Variants in CNTNAP2 observed in about 807,000 individuals in gnomAD.
CNTNAP2 encodes contactin-associated protein-like 2.
CNTNAP2 carries 98 observed loss-of-function variants against 155.2 expected under a neutral mutation model. The observed-to-expected ratio is 0.63, with a 90% CI of 0.54 to 0.75. CNTNAP2 has a LOEUF of 0.75. CNTNAP2 is among the 30% of genes least tolerant of loss of function. CNTNAP2 has a pLI of 0.00. For synonymous variants in CNTNAP2, 651 were observed against 631.2 expected, an observed-to-expected ratio of 1.03 and a Z score of -0.47; for missense variants, 1,727 against 1,688.1, an observed-to-expected ratio of 1.02 and a Z score of -0.40.
At chr7:146,839,376 C>T (rs1479763064) in intron 2 of CNTNAP2, among the ~76,000 whole-genome samples, 1 of 152,018 alleles carries the variant, frequency 6.6e-6, no homozygotes, top group Non-Finnish European at 1.5e-5. Flanking sequence ...ACATTTTTCT[C>T]ATGATTTTAG....
chr7:146,914,497 G>A (rs1796354779), intron 3 of CNTNAP2, among the ~76,000 whole-genome samples: 1 of 151,934 alleles, frequency 6.6e-6, no homozygotes, highest in African/African-American at 2.4e-5. Flanking sequence ...CATTCTTGCA[G>A]GACTAAGAGG....
chr7:147,874,217 G>C (rs1425830533), intron 13 of CNTNAP2, among the ~76,000 whole-genome samples: 1 of 152,220 alleles, frequency 6.6e-6, no homozygotes, highest in Non-Finnish European at 1.5e-5. Context: ...CAGTGCCCCA[G>C]TGGGAACTCT....
chr7:148,216,501 T>A (rs1439297727), intron 18 of CNTNAP2, among the ~76,000 whole-genome samples: 3 of 152,186 alleles, frequency 2.0e-5, no homozygotes, highest in Non-Finnish European at 4.4e-5. Flanking sequence ...CTTTCCTGTA[T>A]GAATATCCAA....
intron 1 of CNTNAP2, among the ~76,000 whole-genome samples, chr7:146,519,028 A>G (rs955657703): frequency 2.6e-5 from 4 of 151,940 alleles, no homozygotes; most frequent in African/African-American, 9.7e-5. Context: ...TAAACAGTTT[A>G]TAATAATCGT....
At chr7:147,852,339 T>C (rs975875917) in intron 13 of CNTNAP2, among the ~76,000 whole-genome samples, 1 of 152,152 alleles carries the variant, frequency 6.6e-6, no homozygotes, top group Non-Finnish European at 1.5e-5. Context: ...GAATGAAAAG[T>C]TTTCTGTATC....
intron 8 of CNTNAP2, chr7:147,161,638 G>A (rs966654131): frequency 7.2e-6 from 1 of 139,240 alleles, no homozygotes; most frequent in South Asian, 2.5e-4. Context: ...CTCTCATAGG[G>A]TACGCTGGCA....
At chr7:147,891,287 C>G (rs1173435390) in intron 13 of CNTNAP2, among the ~76,000 whole-genome samples, 1 of 151,950 alleles carries the variant, frequency 6.6e-6, no homozygotes, top group Non-Finnish European at 1.5e-5. Context: ...TCACTGCAAC[C>G]TCTGCCTCCC....
At chr7:146,855,903 G>T (rs1390133062) in intron 3 of CNTNAP2, among the ~76,000 whole-genome samples, 2 of 145,126 alleles carry the variant, frequency 1.4e-5, no homozygotes, top group Admixed American at 6.9e-5. Flanking sequence ...GATGGATCTA[G>T]AAACAAAAAT....
At chr7:147,255,248 G>C (rs544870446) in intron 8 of CNTNAP2, among the ~76,000 whole-genome samples, 2 of 151,988 alleles carry the variant, frequency 1.3e-5, no homozygotes, top group Admixed American at 6.6e-5. Context: ...AACACACACA[G>C]TCTTGCTCTA....
chr7:147,598,338 C>T (rs934053643), intron 12 of CNTNAP2, among the ~76,000 whole-genome samples: 1 of 152,012 alleles, frequency 6.6e-6, no homozygotes, highest in Non-Finnish European at 1.5e-5. Context: ...CCCTTGCCCC[C>T]GACCCCGCAA....
chr7:146,481,104 G>T (rs776945300), intron 1 of CNTNAP2, among the ~76,000 whole-genome samples: 3 of 151,986 alleles, frequency 2.0e-5, no homozygotes, highest in Non-Finnish European at 4.4e-5. Flanking sequence ...AGTAGTAAAT[G>T]GTTTATCAAC....
chr7:146,737,680 T>C (rs1188341887), intron 1 of CNTNAP2, among the ~76,000 whole-genome samples: 2 of 152,100 alleles, frequency 1.3e-5, no homozygotes, highest in Non-Finnish European at 2.9e-5. Context: ...ATTTTTTTCA[T>C]ATACCTGTTG....
chr7:147,650,073 G>A (rs528103160), intron 13 of CNTNAP2, among the ~76,000 whole-genome samples: 58 of 152,004 alleles, frequency 3.8e-4, no homozygotes, highest in Admixed American at 2.9e-3. Flanking sequence ...ACATTAAATC[G>A]TAATTTTTTC....
intron 14 of CNTNAP2, among the ~76,000 whole-genome samples, chr7:147,924,143 C>CTTTTTCTT (rs1554450279): frequency 2.4e-5 from 3 of 123,494 alleles, no homozygotes; most frequent in South Asian, 2.6e-4. Flanking sequence ...CTTTTCTTTT[C>CTTTTTCTT]TTTTTTTTTT....
At chr7:146,620,988 T>C (rs182201053) in intron 1 of CNTNAP2, among the ~76,000 whole-genome samples, 214 of 152,344 alleles carry the variant, frequency 1.4e-3, no homozygotes, top group Non-Finnish European at 2.2e-3. Context: ...TATATCATCT[T>C]ATGGTTTTCT....
At chr7:146,140,612 T>C (rs1797863290) in intron 1 of CNTNAP2, among the ~76,000 whole-genome samples, 2 of 152,192 alleles carry the variant, frequency 1.3e-5, no homozygotes, top group Admixed American at 1.3e-4. Flanking sequence ...GCATCTCTCA[T>C]TATTTCTTTT....
intron 10 of CNTNAP2, among the ~76,000 whole-genome samples, chr7:147,420,874 G>A (rs1425927215): frequency 1.3e-5 from 2 of 152,204 alleles, no homozygotes; most frequent in Non-Finnish European, 2.9e-5. Context: ...TTGTGTCAAT[G>A]TTTGTAATCT....
chr7:147,625,880 G>A lies in CNTNAP2; in HGVS notation c.1898-13226G>A, dbSNP rs1193018881. Among the ~76,000 whole-genome samples the A allele has an allele frequency of 2.6e-5, 4 of 152,150 alleles. No homozygotes were observed. In the South Asian group the frequency reaches 8.3e-4, roughly 32 times the overall value. On this transcript the variant is annotated intron_variant, in intron 12 of 23. Coordinates refer to ENST00000361727, the MANE Select transcript of CNTNAP2 (RefSeq NM_014141.6). ...CTCCAAACATACATTTCTACTGGGG[G>A]ACCTGAAAATCCAGATCATGAGATT...
chr7:146,643,492 G>A (rs1799750991), intron 1 of CNTNAP2, among the ~76,000 whole-genome samples: 1 of 152,076 alleles, frequency 6.6e-6, no homozygotes, highest in Non-Finnish European at 1.5e-5. Context: ...TTATTTCTGA[G>A]GGCTGTGTTC....
Sources: allele counts gnomAD v4.1 joint callset (sites outside exome capture counted in the v4.1 genomes callset), GRCh38; gene constraint gnomAD v4.1.1; transcripts MANE v1.5; gene names NCBI Gene and HGNC (gene_info 2026-07-23, HGNC 2026-07-21).